CRTC3: variants seen among roughly 807,000 people sequenced by gnomAD.
The protein encoded by CRTC3 is CREB-regulated transcription coactivator 3.
In CRTC3, 26 loss-of-function variants were observed where a neutral mutation model predicts 74.5. The ratio of observed to expected loss-of-function variants is 0.35; its 90% CI spans 0.26 to 0.48. CRTC3 has a LOEUF of 0.48. Among genes scored for constraint, CRTC3 ranks in the 20% least tolerant of loss-of-function variants. CRTC3 has a pLI of 0.99. For synonymous variants in CRTC3, 377 were observed against 325.8 expected (o/e 1.16, Z -1.69); for missense variants, 760 against 787.3 (o/e 0.97, Z 0.41).
intron 5 of CRTC3, among the ~76,000 whole-genome samples, chr15:90,607,159 G>C (rs1462309903): frequency 6.6e-6 from 1 of 152,158 alleles, no homozygotes; most frequent in Non-Finnish European, 1.5e-5. Context: ...AGCATATAAG[G>C]CTATATGAGT....
Position 90,641,929 on chromosome 15 carries a change from C to G in CRTC3, c.1652-3C>G, listed in dbSNP as rs759091703. The G allele has an allele frequency of 6.2e-7, 1 of 1,612,994 alleles. No individual in the cohort carries two copies. On this transcript the variant is annotated splice_polypyrimidine_tract_variant and splice_region_variant and intron_variant, in intron 14 of 14. Transcript: ENST00000268184. ...TGTTTTCCCCTCTGGCCACTCCTTT[C>G]AGAAGACTCCAGCACCAGCCTGTTC...
At chr15:90,635,763 C>A (rs1278880393) in intron 11 of CRTC3, among the ~76,000 whole-genome samples, 3 of 151,904 alleles carry the variant, frequency 2.0e-5, no homozygotes, top group African/African-American at 7.3e-5. Context: ...TCCTGTGAGC[C>A]GGGTTGGGAA....
chr15:90,613,185 GAAAAA>G (rs34111646), intron 6 of CRTC3, among the ~76,000 whole-genome samples: 21 of 114,168 alleles, frequency 1.8e-4, no homozygotes, highest in East Asian at 1.2e-3. Context: ...TCTGTCTCGG[GAAAAA>G]AAAAAAAAAA....
intron 2 of CRTC3, among the ~76,000 whole-genome samples, chr15:90,545,834 T>C (rs1204199333): frequency 6.6e-6 from 1 of 152,242 alleles, no homozygotes; most frequent in Non-Finnish European, 1.5e-5. Context: ...CGCCTTGGCC[T>C]CCCAAAGTGC....
chr15:90,533,885 G>A (rs2151052949), intron 1 of CRTC3, among the ~76,000 whole-genome samples: 1 of 152,176 alleles, frequency 6.6e-6, no homozygotes, highest in South Asian at 2.1e-4. Flanking sequence ...TGTGTGTTGA[G>A]GGAGGGAATA....
At chr15:90,552,532 ACT>A (rs1384943570) in intron 2 of CRTC3, among the ~76,000 whole-genome samples, 2 of 124,456 alleles carry the variant, frequency 1.6e-5, no homozygotes, top group African/African-American at 2.7e-5. Flanking sequence ...ACTTGTGGAA[ACT>A]CTGCTTCCTT....
Position 90,530,534 on chromosome 15 carries a change from A to C in CRTC3, c.132+331A>C, listed in dbSNP as rs1017859712. 1 of 152,572 alleles carries C rather than the reference A, an allele frequency of 6.6e-6. No individual in the cohort carries two copies. Among genetic ancestry groups the C allele is most frequent in the African/African-American group, 2.4e-5 (1 of 41,402 alleles). 9.5% of individuals were successfully genotyped at this position (152,572 alleles called of 1,614,324 possible). ...ACGAGGAGCCCCGAGAGGAAATCGCAAACAGCTCGGAGGCCGGCCGGGTGG... is the reference window on the plus strand; with the variant it reads ...ACGAGGAGCCCCGAGAGGAAATCGCCAACAGCTCGGAGGCCGGCCGGGTGG... On this transcript the variant is annotated intron_variant, in intron 1 of 14. Coordinates refer to ENST00000268184, the MANE Select transcript of CRTC3 (RefSeq NM_022769.5). The surrounding 1 kb of genome is among the most constrained non-coding windows in gnomAD (Gnocchi z 6.2).
chr15:90,568,415 ATC>A (rs1210839323), intron 2 of CRTC3, among the ~76,000 whole-genome samples: 1 of 151,998 alleles, frequency 6.6e-6, no homozygotes, highest in Non-Finnish European at 1.5e-5. Flanking sequence ...CAGTGGTGCA[ATC>A]TCAGCCTACT....
chr15:90,568,101 A>C (rs1330608641), intron 2 of CRTC3, among the ~76,000 whole-genome samples: 5 of 152,216 alleles, frequency 3.3e-5, no homozygotes, highest in Non-Finnish European at 5.9e-5. Flanking sequence ...TCAGTGGAAG[A>C]AGTAACTGCA....
intron 11 of CRTC3, among the ~76,000 whole-genome samples, chr15:90,631,152 G>A (rs1248916805): frequency 1.3e-5 from 2 of 152,154 alleles, no homozygotes; most frequent in Non-Finnish European, 2.9e-5. Context: ...AGAACACAAC[G>A]GAGAGTTAGA....
rs141703763 is a variant in CRTC3, at chr15:90,560,374, G to T, written c.231+20237G>T. Among the ~76,000 whole-genome samples, 12 of 152,274 alleles carry T rather than the reference G, an allele frequency of 7.9e-5. No individual in the cohort carries two copies. The East Asian group carries it at 2.3e-3, about 29-fold the overall frequency. On this transcript the variant is annotated intron_variant, in intron 2 of 14. Transcript: ENST00000268184. ...GCCAAGTAGACCCAAACATTTCCCAGACTTTGGCCACATAATCAGAAATTT... is the reference window on the plus strand; with the variant it reads ...GCCAAGTAGACCCAAACATTTCCCATACTTTGGCCACATAATCAGAAATTT...
intron 2 of CRTC3, among the ~76,000 whole-genome samples, chr15:90,563,944 A>G (rs548365211): frequency 5.9e-5 from 9 of 152,258 alleles, no homozygotes; most frequent in Non-Finnish European, 8.8e-5. Flanking sequence ...TACCACTTCT[A>G]TCATGACCAC....
intron 2 of CRTC3, among the ~76,000 whole-genome samples, chr15:90,567,158 G>A (rs188971899): frequency 1.3e-5 from 2 of 152,094 alleles, no homozygotes; most frequent in Non-Finnish European, 1.5e-5. Context: ...CAAAATCAAC[G>A]CTTATTACCA....
At chr15:90,591,752 G>C (rs1967806469) in intron 2 of CRTC3, among the ~76,000 whole-genome samples, 1 of 152,220 alleles carries the variant, frequency 6.6e-6, no homozygotes, top group Non-Finnish European at 1.5e-5. Context: ...AGCCAAGATT[G>C]TGCCACTGCA....
chr15:90,587,403 GT>G (rs1265398237), intron 2 of CRTC3, among the ~76,000 whole-genome samples: 2 of 152,144 alleles, frequency 1.3e-5, no homozygotes, highest in Non-Finnish European at 2.9e-5. Context: ...CATTAGCCAT[GT>G]CACTCCCCTC....
intron 2 of CRTC3, among the ~76,000 whole-genome samples, chr15:90,586,506 C>T (rs886671797): frequency 7.9e-5 from 12 of 151,678 alleles, no homozygotes; most frequent in South Asian, 2.1e-4. Flanking sequence ...GCTGGGACTA[C>T]GGACTCTCAC....
chr15:90,581,850 T>C (rs1967548597), intron 2 of CRTC3, among the ~76,000 whole-genome samples: 1 of 152,016 alleles, frequency 6.6e-6, no homozygotes, highest in Non-Finnish European at 1.5e-5. Context: ...GCAGTGGGGG[T>C]GAAAGGAGGG....
At chr15:90,615,050 G>A (rs1596126917) in intron 7 of CRTC3, among the ~76,000 whole-genome samples, 1 of 150,330 alleles carries the variant, frequency 6.7e-6, no homozygotes, top group Admixed American at 6.6e-5. Flanking sequence ...GCGACCGAGC[G>A]AGACTCCGTC....
intron 2 of CRTC3, among the ~76,000 whole-genome samples, chr15:90,588,376 C>T (rs557886660): frequency 2.0e-5 from 3 of 151,078 alleles, no homozygotes; most frequent in South Asian, 2.1e-4. Flanking sequence ...AGACTCTCAA[C>T]AAACATTTAT....
Sources: allele counts gnomAD v4.1 joint callset (sites outside exome capture counted in the v4.1 genomes callset), GRCh38; gene constraint gnomAD v4.1.1; non-coding constraint Gnocchi (gnomAD v3.1); transcripts MANE v1.5; gene names NCBI Gene and HGNC (gene_info 2026-07-23, HGNC 2026-07-21).